The following UPB1 variants were observed in gnomAD, a reference collection of about 807,000 sequenced individuals.
The protein encoded by UPB1 is beta-ureidopropionase 1, also known as beta-ureidopropionase.
A neutral mutation model predicts 49.1 loss-of-function variants in UPB1; 40 were observed. The ratio of observed to expected loss-of-function variants is 0.81; its 90% CI spans 0.63 to 1.06. The LOEUF is 1.06. UPB1 is among the 50% of genes least tolerant of loss of function. UPB1 has a pLI of 0.00. For missense variants in UPB1, 499 were observed against 505.9 expected, an observed-to-expected ratio of 0.99 and a Z score of 0.13; for synonymous variants, 207 against 198.2, an observed-to-expected ratio of 1.04 and a Z score of -0.38.
rs2044403730 is a variant in UPB1 at position 24,522,043 on chromosome 22, C to T, written c.916+15C>T. 1 of 1,613,480 alleles carries T rather than the reference C, an allele frequency of 6.2e-7. No homozygotes were observed. Among genetic ancestry groups the T allele is most frequent in the Non-Finnish European group, 8.5e-7 (1 of 1,179,946 alleles). ...TGGAAAGAAAGGTATGTCCCATGAA[C>T]CATGGTGGCTGCAGTTGAGGAGTGG... On this transcript the variant is annotated intron_variant, in intron 8 of 9. Coordinates refer to ENST00000326010, the MANE Select transcript of UPB1 (RefSeq NM_016327.3).
rs778601062 is a variant in UPB1, at chr22:24,513,351, G to C, written c.487G>C (p.Val163Leu). The C allele has an allele frequency of 6.2e-7, 1 of 1,614,186 alleles. No homozygotes were observed. The change falls in exon 5 of 10, where the codon GTG becomes CTG. Residue 163 changes from valine to leucine, a missense_variant. By Grantham distance (32) the Val-to-Leu change is conservative. Transcript: ENST00000326010. ...GGCGAAGAACCATGACATGGTGGTG[G>C]TGTCTCCCATCCTGGAACGAGACAG... ...KLAKNHDMVV[V>L]SPILERDSEH...
In UPB1 at chr22:24,500,619, G is replaced by A. The variant is rs112860929; in HGVS notation, c.276+341G>A. Among the ~76,000 whole-genome samples, 1,282 of 152,318 alleles carry A rather than the reference G, an allele frequency of 8.4e-3. 25 individuals carry two copies. The highest frequency in any genetic ancestry group is 0.029 in the African/African-American group (1,193 of 41,556). On this transcript the variant is annotated intron_variant, in intron 2 of 9. Transcript: ENST00000326010. ...GCCTCTCAGCTGCCTGCCAGGAGGC[G>A]GCCAGCCAGCACACGCTGGTTGGGA...
intron 1 of UPB1, 85 bp from the exon 2 acceptor site, chr22:24,500,022 A>G: frequency 6.3e-7 from 1 of 1,599,122 alleles, no homozygotes; most frequent in Non-Finnish European, 8.5e-7. Flanking sequence ...TTTGGCTGAT[A>G]AATAGCTACA....
intron 8 of UPB1, among the ~76,000 whole-genome samples, chr22:24,523,099 A>C (rs1471756718): frequency 6.6e-6 from 1 of 152,168 alleles, no homozygotes; most frequent in Non-Finnish European, 1.5e-5. Flanking sequence ...AGAGATGCAG[A>C]AAGGGCAGGG....
intron 4 of UPB1, among the ~76,000 whole-genome samples, chr22:24,512,906 G>A (rs1330099553): frequency 6.6e-6 from 1 of 152,214 alleles, no homozygotes; most frequent in Non-Finnish European, 1.5e-5. Context: ...GATGTGCCAT[G>A]TTTCATTTAT....
At chr22:24,510,233 C>CAAAA (rs202134271) in intron 3 of UPB1, among the ~76,000 whole-genome samples, 4 of 104,730 alleles carry the variant, frequency 3.8e-5, no homozygotes, top group African/African-American at 7.3e-5. Context: ...AACTCCATCT[C>CAAAA]AAAAAAAAAA....
intron 9 of UPB1, 119 bp from the exon 10 acceptor site, chr22:24,525,592 A>G: frequency 8.5e-7 from 1 of 1,174,938 alleles, no homozygotes; most frequent in Non-Finnish European, 1.3e-6. Flanking sequence ...ACTGTCAACG[A>G]GCCTTCCTGA....
Position 24,525,868 on chromosome 22 carries a change from C to A in UPB1, c.*74C>A. The A allele has an allele frequency of 6.4e-7, 1 of 1,569,630 alleles. No individual in the cohort carries two copies. Among genetic ancestry groups the A allele is most frequent in the Non-Finnish European group, 8.8e-7 (1 of 1,140,426 alleles). ...GGATTAGCAAGTGTGGCAGGCTTAA[C>A]ATGTCCAGGTTCTCCCCAATAACAT... On this transcript the variant is annotated 3_prime_UTR_variant, in exon 10 of 10. Transcript: ENST00000326010.
At chr22:24,518,419 G>A (rs2044334050) in intron 6 of UPB1, 3 of 152,248 alleles carry the variant, frequency 2.0e-5, no homozygotes. Flanking sequence ...GCCTATGGAT[G>A]AGGATAGTCA....
intron 2 of UPB1, 78 bp downstream of exon 2, chr22:24,500,356 T>G: frequency 6.3e-7 from 1 of 1,596,124 alleles, no homozygotes; most frequent in Non-Finnish European, 8.5e-7. Context: ...AGGCCCTGGC[T>G]GGCCGCATAC....
rs556635813 is a variant in UPB1 at position 24,510,972 on chromosome 22, A to G, written c.459+129A>G. The G allele has an allele frequency of 6.9e-5, 64 of 933,342 alleles. No homozygotes were observed. The South Asian group carries it at 8.1e-4, about 12-fold the overall frequency. The allele number at this position is 933,342 out of a possible 1,614,324, so 57.8% of individuals were successfully genotyped here. A position where few individuals can be genotyped will look rare whatever the true frequency, so the allele number is the denominator to read the frequency against. On this transcript the variant is annotated intron_variant, in intron 4 of 9. Transcript: ENST00000326010. Reference sequence around the variant, plus strand: ...CATTTGGTGCTTGTTTTGCCAGATAAGATTAGATAAGACTATCTGCCACTT... The same window carrying G: ...CATTTGGTGCTTGTTTTGCCAGATAGGATTAGATAAGACTATCTGCCACTT...
At position 24,525,964 on chromosome 22, in the gene UPB1, G is replaced by T. The variant is rs908768019; in HGVS notation, c.*170G>T. 99 of 756,450 alleles carry T rather than the reference G, an allele frequency of 1.3e-4. No individual in the cohort carries two copies. Among genetic ancestry groups the T allele is most frequent in the Non-Finnish European group, 1.9e-4 (85 of 440,654 alleles). The allele number at this position is 756,450 out of a possible 1,614,324, so 46.9% of individuals were successfully genotyped here. A position where few individuals can be genotyped will look rare whatever the true frequency, so the allele number is the denominator to read the frequency against. On this transcript the variant is annotated 3_prime_UTR_variant, in exon 10 of 10. Transcript: ENST00000326010. ...GGGGAGTGACTTCTTAATGGGTAAG[G>T]GGCTGCTTACTTCTGGGGTATTGGA...
At chr22:24,502,802 G>T (rs764569368) in intron 3 of UPB1, 1 of 449,322 alleles carries the variant, frequency 2.2e-6, no homozygotes, top group Admixed American at 3.9e-5. Flanking sequence ...CCCTATGGAA[G>T]ATGTCAGTGT....
chr22:24,511,618 A>ATTTTTTTTT (rs386395041), intron 4 of UPB1, among the ~76,000 whole-genome samples: 2 of 122,554 alleles, frequency 1.6e-5, no homozygotes, highest in Admixed American at 9.0e-5. Context: ...ATATATATAT[A>ATTTTTTTTT]TTTTTTTTTT....
At chr22:24,497,654 A>G (rs370896340) in intron 1 of UPB1, among the ~76,000 whole-genome samples, 1 of 152,216 alleles carries the variant, frequency 6.6e-6, no homozygotes, top group East Asian at 1.9e-4. Flanking sequence ...CTGAAAGCCA[A>G]CTACAGGGAC....
intron 6 of UPB1, among the ~76,000 whole-genome samples, chr22:24,515,648 C>T (rs367982376): frequency 2.0e-4 from 31 of 152,346 alleles, no homozygotes; most frequent in African/African-American, 7.0e-4. Context: ...AAATAATTCC[C>T]CCCTTTCCCT....
chr22:24,495,344 C>A lies in UPB1; in HGVS notation c.-60C>A. On this transcript the variant is annotated 5_prime_UTR_variant, in exon 1 of 10. Transcript: ENST00000326010. Reference sequence around the variant, plus strand: ...CCTGACCGGGCCTGGGCACCTCCTCCCACTGCGGGCAAAGGGCAGGCAGTT... The same window carrying A: ...CCTGACCGGGCCTGGGCACCTCCTCACACTGCGGGCAAAGGGCAGGCAGTT... 1.3e-6 allele frequency: 2 copies of A among 1,579,696 alleles called. No individual in the cohort carries two copies. The highest frequency in any genetic ancestry group is 8.7e-7 in the Non-Finnish European group (1 of 1,155,274).
At chr22:24,510,883 A>G (rs747811204) in intron 4 of UPB1, 40 bp downstream of exon 4, 2 of 1,599,312 alleles carry the variant, frequency 1.3e-6, no homozygotes, top group Non-Finnish European at 1.7e-6. Flanking sequence ...GCTGCCAAAT[A>G]TGTGCAAGTC....
In UPB1 at chr22:24,515,189, T is replaced by C; in HGVS notation, c.622-12T>C. ...GGTCAGAGGCATCAGTATATGGCCCTTTGCTTTTCAGTCAACTTACTACAT... is the reference window on the plus strand; with the variant it reads ...GGTCAGAGGCATCAGTATATGGCCCCTTGCTTTTCAGTCAACTTACTACAT... On this transcript the variant is annotated splice_polypyrimidine_tract_variant and intron_variant, in intron 5 of 9. Coordinates refer to ENST00000326010, the MANE Select transcript of UPB1 (RefSeq NM_016327.3). 6.2e-7 allele frequency: 1 copy of C among 1,614,132 alleles called. No individual in the cohort carries two copies. Among genetic ancestry groups the C allele is most frequent in the Non-Finnish European group, 8.5e-7 (1 of 1,180,046 alleles).
Sources: gnomAD v4.1 joint callset for allele counts (sites outside exome capture counted in the v4.1 genomes callset) on GRCh38, gnomAD v4.1.1 for gene constraint, MANE v1.5 for transcripts, NCBI Gene and HGNC (gene_info 2026-07-23, HGNC 2026-07-21) for gene names.